The following SLC6A18 variants were observed in gnomAD, a reference collection of about 807,000 sequenced individuals.
SLC6A18 encodes the protein inactive sodium-dependent neutral amino acid transporter B(0)AT3.
Under a neutral mutation model 62.9 loss-of-function variants are expected in SLC6A18, and 58 were observed. The ratio of observed to expected loss-of-function variants is 0.92; its 90% CI spans 0.75 to 1.15. SLC6A18 has a LOEUF of 1.15. SLC6A18 is among the 50% of genes most tolerant of loss of function. The probability of loss-of-function intolerance (pLI) is 0.00; values close to 1 mark genes in which losing one functional copy is unlikely to be tolerated. For missense variants in SLC6A18, 793 were observed against 836.6 expected, an observed-to-expected ratio of 0.95 and a Z score of 0.64; for synonymous variants, 382 against 365.8, an observed-to-expected ratio of 1.04 and a Z score of -0.51.
chr5:1,237,867 G>A lies in SLC6A18; in HGVS notation c.622-83G>A, dbSNP rs146140639. On this transcript the variant is annotated intron_variant, in intron 4 of 11. Transcript: ENST00000324642. ...CAGCCACTCTGACCACAAGGGCGGTGTCTGGAGCCTGCCTGCTTCTCTGAG... is the reference window on the plus strand; with the variant it reads ...CAGCCACTCTGACCACAAGGGCGGTATCTGGAGCCTGCCTGCTTCTCTGAG... The A allele has an allele frequency of 6.2e-5, 67 of 1,086,994 alleles. No individual in the cohort carries two copies. In the African/African-American group the frequency reaches 9.4e-4, roughly 15 times the overall value. 67.3% of individuals were successfully genotyped at this position (1,086,994 alleles called of 1,614,324 possible).
At chr5:1,227,134 C>G (rs1352031757) in intron 1 of SLC6A18, among the ~76,000 whole-genome samples, 1 of 126,156 alleles carries the variant, frequency 7.9e-6, no homozygotes, top group South Asian at 2.6e-4. Context: ...CCCGTCGATG[C>G]CTTGCCCGCC....
At chr5:1,237,509 G>A (rs1219677427) in intron 4 of SLC6A18, among the ~76,000 whole-genome samples, 1 of 152,142 alleles carries the variant, frequency 6.6e-6, no homozygotes, top group African/African-American at 2.4e-5. Flanking sequence ...CTCGAGAGTG[G>A]ACAGGAGGGA....
chr5:1,230,216 C>G (rs1201962807), intron 1 of SLC6A18, among the ~76,000 whole-genome samples: 1 of 145,086 alleles, frequency 6.9e-6, no homozygotes, highest in South Asian at 2.2e-4. Context: ...AAGAGGGGCT[C>G]TCACGGTACA....
In SLC6A18 at chr5:1,232,373, C is replaced by G. The variant is rs1159973111; in HGVS notation, c.301+14C>G. ...TCAGTGGAGTAGGTAGGCCACCGTC[C>G]TCGCTTGCCCTGACTGAGGCTGCCA... On this transcript the variant is annotated intron_variant, in intron 2 of 11. Transcript: ENST00000324642. 6.2e-7 allele frequency: 1 copy of G among 1,602,812 alleles called. No individual in the cohort carries two copies. The highest frequency in any genetic ancestry group is 1.7e-5 in the Admixed American group (1 of 59,254).
Position 1,232,843 on chromosome 5 carries a change from C to A in SLC6A18, c.394C>A (p.His132Asn). The change falls in exon 3 of 12, where the codon CAC becomes AAC. Residue 132 changes from histidine (H) to asparagine (N), a missense_variant. Transcript: ENST00000324642. Reference protein sequence around the residue: ...VLWYLLNSFQHPLPWSSCPPD... With the variant: ...VLWYLLNSFQNPLPWSSCPPD... Reference sequence around the variant, plus strand: ...GTGGTACCTCCTCAACTCCTTCCAGCACCCGCTGCCCTGGAGCTCCTGCCC... The same window carrying A: ...GTGGTACCTCCTCAACTCCTTCCAGAACCCGCTGCCCTGGAGCTCCTGCCC... 6.2e-7 allele frequency: 1 copy of A among 1,613,264 alleles called. No homozygotes were observed. Among genetic ancestry groups the A allele is most frequent in the Non-Finnish European group, 8.5e-7 (1 of 1,179,966 alleles).
chr5:1,240,301 T>C (rs1349131826), intron 6 of SLC6A18, among the ~76,000 whole-genome samples: 2 of 152,230 alleles, frequency 1.3e-5, no homozygotes, highest in East Asian at 3.8e-4. Flanking sequence ...GGGGTGTGAA[T>C]GGGTTTCAGA....
chr5:1,233,523 A>G (rs1746792219), intron 3 of SLC6A18, among the ~76,000 whole-genome samples: 1 of 151,476 alleles, frequency 6.6e-6, no homozygotes, highest in African/African-American at 2.4e-5. Context: ...TTGGGTCCAG[A>G]CCTCAGCCAG....
In SLC6A18 at chr5:1,242,899, C is replaced by G. The variant is rs199663444; in HGVS notation, c.1131+36C>G. 2.9e-5 allele frequency: 45 copies of G among 1,554,898 alleles called. No homozygotes were observed. The African/African-American group carries it at 5.5e-4, about 19-fold the overall frequency. On this transcript the variant is annotated intron_variant, in intron 8 of 11. Transcript: ENST00000324642. ...ACCCCCTGGGGTAGCCAGGCAGGGC[C>G]GTCCACAGGAGCACCAGGGCCGCAC...
chr5:1,239,849 A>G (rs1337825070), intron 6 of SLC6A18, among the ~76,000 whole-genome samples: 1 of 152,238 alleles, frequency 6.6e-6, no homozygotes, highest in Non-Finnish European at 1.5e-5. Context: ...GTCACCTGAA[A>G]TAGACTCAAG....
chr5:1,244,321 A>G lies in SLC6A18; in HGVS notation c.1444A>G (p.Met482Val). The G allele has an allele frequency of 6.2e-7, 1 of 1,614,008 alleles. No homozygotes were observed. The highest frequency in any genetic ancestry group is 8.5e-7 in the Non-Finnish European group (1 of 1,179,960). ...TTTTGCCGCTTCCCCGAACCTGCTC[A>G]TGTTGGCCTTTCTCGAGGTTGTGGG... is the stretch of plus-strand genomic sequence containing the variant. ...DNFAASPNLLMLAFLEVVGVV... is the reference protein window; with the variant it reads ...DNFAASPNLLVLAFLEVVGVV... Residue 482 changes from methionine to valine, a missense_variant, in exon 10 of 12, where the codon ATG (methionine) becomes GTG (valine). Transcript: ENST00000324642.
chr5:1,239,083 C>T (rs1269445574), intron 5 of SLC6A18, among the ~76,000 whole-genome samples: 1 of 152,240 alleles, frequency 6.6e-6, no homozygotes, highest in African/African-American at 2.4e-5. Flanking sequence ...GCATGGCATC[C>T]CTGCCCTCGG....
Position 1,233,827 on chromosome 5 carries a change from T to C in SLC6A18, c.439+939T>C, listed in dbSNP as rs374914328. Among the ~76,000 whole-genome samples, 675 of 151,834 alleles carry C rather than the reference T, an allele frequency of 4.4e-3. 5 individuals carry two copies. Among genetic ancestry groups the C allele is most frequent in the East Asian group, 0.014 (71 of 5,138 alleles). ...TGCTATCTTGGCTCACTGCAAGCTC[T>C]GCCTCCCAGGTTCACGCCATTCTCC... On this transcript the variant is annotated intron_variant, in intron 3 of 11. Transcript: ENST00000324642.
intron 4 of SLC6A18, among the ~76,000 whole-genome samples, chr5:1,237,550 A>G (rs766306417): frequency 6.6e-6 from 1 of 152,132 alleles, no homozygotes; most frequent in Non-Finnish European, 1.5e-5. Flanking sequence ...CAGGGAAAGG[A>G]TATGGTCAGA....
chr5:1,233,933 G>A (rs539783475), intron 3 of SLC6A18, among the ~76,000 whole-genome samples: 7 of 152,158 alleles, frequency 4.6e-5, no homozygotes, highest in South Asian at 2.1e-4. Context: ...AGTAGAGACG[G>A]GGTTTCACCA....
chr5:1,243,362 C>G lies in SLC6A18; in HGVS notation c.1132-193C>G, dbSNP rs1579534372. Among the ~76,000 whole-genome samples the G allele has an allele frequency of 6.6e-6, 1 of 152,162 alleles. No homozygotes were observed. The highest frequency in any genetic ancestry group is 1.9e-4 in the East Asian group (1 of 5,192). On this transcript the variant is annotated intron_variant, in intron 8 of 11. Transcript: ENST00000324642. The surrounding 1 kb of genome is among the most constrained non-coding windows in gnomAD (Gnocchi z 6.5). Reference sequence around the variant, plus strand: ...GGTTATTAAAGGGGAAGGACCCTCCCCTGCAGAGTTGCGCTTGCAGCCTCG... The same window carrying G: ...GGTTATTAAAGGGGAAGGACCCTCCGCTGCAGAGTTGCGCTTGCAGCCTCG...
rs905596988 is a variant in SLC6A18 at position 1,244,302 on chromosome 5, C to T, written c.1425C>T (p.Ala475=). ...NYWLEIFDNF[A]ASPNLLMLAF... ...GGCTGGAGATTTTCGACAATTTTGCCGCTTCCCCGAACCTGCTCATGTTGG... is the reference window on the plus strand; with the variant it reads ...GGCTGGAGATTTTCGACAATTTTGCTGCTTCCCCGAACCTGCTCATGTTGG... Residue 475 remains alanine (A), a synonymous_variant, in exon 10 of 12, where the codon GCC becomes GCT. Coordinates refer to ENST00000324642, the MANE Select transcript of SLC6A18 (RefSeq NM_182632.3). 19 of 1,613,928 alleles carry T rather than the reference C, an allele frequency of 1.2e-5. No homozygotes were observed. Among genetic ancestry groups the T allele is most frequent in the East Asian group, 1.1e-4 (5 of 44,874 alleles).
Position 1,244,713 on chromosome 5 carries a change from C to T in SLC6A18, c.1602C>T (p.Tyr534=). The change falls in exon 11 of 12, where the codon TAC becomes TAT. Residue 534 remains tyrosine, a synonymous_variant. Coordinates refer to ENST00000324642, the MANE Select transcript of SLC6A18 (RefSeq NM_182632.3). The part of the protein sequence containing the change: ...SPLLLTIFVA[Y]IILLFWKPLR... ...TGCTGCTGACCATCTTTGTGGCTTA[C>T]ATCATCCTCCTGTTCTGGAAGCCAC... The T allele has an allele frequency of 6.2e-7, 1 of 1,613,034 alleles. No homozygotes were observed. The highest frequency in any genetic ancestry group is 8.5e-7 in the Non-Finnish European group (1 of 1,179,120).
chr5:1,228,954 A>T (rs1270874537), intron 1 of SLC6A18, among the ~76,000 whole-genome samples: 1 of 152,226 alleles, frequency 6.6e-6, no homozygotes, highest in Non-Finnish European at 1.5e-5. Context: ...TTCGGAAAAA[A>T]TGCATGGACT....
At chr5:1,236,871 C>G (rs1361910126) in intron 4 of SLC6A18, among the ~76,000 whole-genome samples, 3 of 152,062 alleles carry the variant, frequency 2.0e-5, no homozygotes, top group African/African-American at 7.2e-5. Flanking sequence ...CTTGAGAGGA[C>G]TGGAATTACT....
Sources: gnomAD v4.1 joint callset for allele counts (sites outside exome capture counted in the v4.1 genomes callset) on GRCh38, gnomAD v4.1.1 for gene constraint, Gnocchi (gnomAD v3.1) non-coding constraint, MANE v1.5 for transcripts, NCBI Gene and HGNC (gene_info 2026-07-23, HGNC 2026-07-21) for gene names.